The following DOK4 variants were observed in gnomAD, a reference collection of about 807,000 sequenced individuals.
DOK4 encodes docking protein 4.
Under a neutral mutation model 40.1 loss-of-function variants are expected in DOK4, and 26 were observed. That is an observed-to-expected ratio of 0.65 (90% CI 0.48 to 0.90). The LOEUF is 0.90. Ranked by LOEUF, DOK4 falls within the 40% of genes least tolerant of loss-of-function variation. DOK4 has a pLI of 0.00. For missense variants in DOK4, 392 were observed against 437.2 expected, an observed-to-expected ratio of 0.90 and a Z score of 0.92; for synonymous variants, 179 against 177.0, an observed-to-expected ratio of 1.01 and a Z score of -0.09.
exon 6 of DOK4, chr16:57,474,815 G>A (rs755411412): frequency 2.4e-5 from 39 of 1,613,996 alleles, no homozygotes; most frequent in African/African-American, 2.7e-5. Context: ...AAGGTAAAGC[G>A]TGTGGCATCC....
At chr16:57,473,687 G>A in exon 8 of DOK4, 1 of 1,614,192 alleles carries the variant, frequency 6.2e-7, no homozygotes. Context: ...CGGCAGCATG[G>A]TCGTGGGTGT....
Position 57,475,838 on chromosome 16 carries a change from A to G in DOK4, c.174+12T>C, listed in dbSNP as rs1369087156. ...CTGCCACTTGGGGGAGCTAGGGCCC[A>G]GGCCTCCTAACCTTGGGGCAGCCCC... is the stretch of plus-strand genomic sequence containing the variant. On this transcript the variant is annotated intron_variant, in intron 3 of 8. Transcript: ENST00000340099. 1 of 1,604,448 alleles carries G rather than the reference A, an allele frequency of 6.2e-7. No homozygotes were observed. Among genetic ancestry groups the G allele is most frequent in the South Asian group, 1.1e-5 (1 of 90,842 alleles).
intron 1 of DOK4, chr16:57,480,387 G>C (rs559446505): frequency 6.6e-6 from 1 of 152,410 alleles, no homozygotes; most frequent in East Asian, 1.9e-4. Flanking sequence ...CGCAGCTCTG[G>C]GTGCTGCTTC....
chr16:57,477,497 T>C (rs928929777), intron 2 of DOK4, among the ~76,000 whole-genome samples: 23 of 152,188 alleles, frequency 1.5e-4, no homozygotes, highest in African/African-American at 5.3e-4. Flanking sequence ...GATGGATGAA[T>C]GGATGGATGC....
At chr16:57,481,773 A>C (rs2031416959) in intron 1 of DOK4, 1 of 152,272 alleles carries the variant, frequency 6.6e-6, no homozygotes, top group Non-Finnish European at 1.5e-5. Flanking sequence ...CATTGGAAAA[A>C]AATGAGAATA....
In DOK4 at chr16:57,486,459, G is replaced by C. The variant is rs1230770948; in HGVS notation, c.-336C>G. On this transcript the variant is annotated 5_prime_UTR_variant, in exon 1 of 9. The change creates a new upstream start codon in the 5' untranslated region. Coordinates refer to ENST00000340099, the Ensembl canonical transcript of DOK4. The stretch of plus-strand genomic sequence containing the variant: ...AGGGAGGCGCGGCCGCAGGGCTAGG[G>C]ATCGGGCTCCGGCTGGGGCTCCGGC... The C allele has an allele frequency of 6.6e-6, 1 of 152,044 alleles. No homozygotes were observed. Among genetic ancestry groups the C allele is most frequent in the Non-Finnish European group, 1.5e-5 (1 of 67,746 alleles). The allele number at this position is 152,044 out of a possible 1,614,324, so 9.4% of individuals were successfully genotyped here. A position where few individuals can be genotyped will look rare whatever the true frequency, so the allele number is the denominator to read the frequency against.
rs1156263709 is a variant in DOK4, at chr16:57,479,065, G to C, written c.66+377C>G. Reference sequence around the variant, plus strand: ...GCAAACGGAAGGGAGAGGAGGCCAGGGGAAGTGAGACGCTGCTTCTCAGCT... The same window carrying C: ...GCAAACGGAAGGGAGAGGAGGCCAGCGGAAGTGAGACGCTGCTTCTCAGCT... On this transcript the variant is annotated intron_variant, in intron 2 of 8. Coordinates refer to ENST00000340099, the Ensembl canonical transcript of DOK4. The surrounding 1 kb of genome is among the most constrained non-coding windows in gnomAD (Gnocchi z 5.8). Among the ~76,000 whole-genome samples the C allele has an allele frequency of 6.6e-6, 1 of 152,166 alleles. No individual in the cohort carries two copies. The highest frequency in any genetic ancestry group is 2.4e-5 in the African/African-American group (1 of 41,442).
At position 57,479,418 on chromosome 16, in the gene DOK4, C is replaced by G; in HGVS notation, c.66+24G>C. Reference sequence around the variant, plus strand: ...CGGGCCCCCATCCCTTGGCAGGGCCCCTCCGCAGCTCAGGGTCACTCACCC... The same window carrying G: ...CGGGCCCCCATCCCTTGGCAGGGCCGCTCCGCAGCTCAGGGTCACTCACCC... On this transcript the variant is annotated intron_variant, in intron 2 of 8. Coordinates refer to ENST00000340099, the Ensembl canonical transcript of DOK4. The surrounding 1 kb of genome is among the most constrained non-coding windows in gnomAD (Gnocchi z 5.8). 1.2e-6 allele frequency: 2 copies of G among 1,612,008 alleles called. No homozygotes were observed. The highest frequency in any genetic ancestry group is 1.7e-6 in the Non-Finnish European group (2 of 1,179,322).
upstream of DOK4, among the ~76,000 whole-genome samples, chr16:57,486,743 A>C (rs2031554967): frequency 7.7e-6 from 1 of 129,594 alleles, no homozygotes. Context: ...CCCAGCCCCC[A>C]CATCTCAACC....
intron 7 of DOK4, 45 bp downstream of exon 7, chr16:57,473,856 G>T (rs761286475): frequency 3.5e-5 from 55 of 1,569,210 alleles, no homozygotes; most frequent in Non-Finnish European, 4.7e-5. Context: ...CTGCCCGCCC[G>T]TTCCCCCCTC....
At chr16:57,486,759 A>G (rs2031555298), upstream of DOK4, among the ~76,000 whole-genome samples, 1 of 145,702 alleles carries the variant, frequency 6.9e-6, no homozygotes, top group Non-Finnish European at 1.5e-5. Context: ...CAACCCCTTC[A>G]CTTCTTCAGG....
chr16:57,473,162 T>C (rs2030945152), exon 9 of DOK4: 1 of 622,068 alleles, frequency 1.6e-6, no homozygotes, highest in African/African-American at 1.8e-5. Flanking sequence ...TAACAGTATA[T>C]AGTCCCACGG....
chr16:57,483,164 G>A (rs1284079961), intron 1 of DOK4, among the ~76,000 whole-genome samples: 2 of 152,198 alleles, frequency 1.3e-5, no homozygotes, highest in Non-Finnish European at 2.9e-5. Flanking sequence ...GGGTTCGGAA[G>A]GGGAGGGAAA....
intron 2 of DOK4, chr16:57,478,585 T>C (rs72788080): frequency 0.038 from 5,761 of 152,232 alleles, 144 homozygotes; most frequent in Middle Eastern, 0.075. Flanking sequence ...TAGAGGCAGC[T>C]CTCAGACAGC....
chr16:57,475,476 G>C (rs553372530), intron 4 of DOK4, 30 bp downstream of exon 4: 1 of 1,568,274 alleles, frequency 6.4e-7, no homozygotes, highest in African/African-American at 1.4e-5. Context: ...CCCCAGGGGA[G>C]GCAGATGGAG....
At chr16:57,480,869 G>T (rs1218221157) in intron 1 of DOK4, among the ~76,000 whole-genome samples, 3 of 152,222 alleles carry the variant, frequency 2.0e-5, no homozygotes, top group African/African-American at 7.2e-5. Flanking sequence ...AGGTCACACA[G>T]CAGGCCTGGG....
At chr16:57,475,647 GC>G (rs2146632199) in intron 3 of DOK4, 27 bp from the exon 4 acceptor site, 2 of 1,430,018 alleles carry the variant, frequency 1.4e-6, no homozygotes, top group Non-Finnish European at 1.9e-6. Flanking sequence ...AAGGGACTTA[GC>G]CAGGCCAGTG....
chr16:57,481,671 A>G (rs1009895140), intron 1 of DOK4: 1 of 152,272 alleles, frequency 6.6e-6, no homozygotes, highest in East Asian at 1.9e-4. Context: ...GGTTCATCCA[A>G]CATAGCTCAG....
intron 1 of DOK4, among the ~76,000 whole-genome samples, chr16:57,482,784 G>T (rs1231675304): frequency 1.3e-5 from 2 of 152,138 alleles, no homozygotes; most frequent in African/African-American, 4.8e-5. Flanking sequence ...ACTGCGCCTG[G>T]CCAGAGCTTC....
Sources: allele counts gnomAD v4.1 joint callset (sites outside exome capture counted in the v4.1 genomes callset), GRCh38; gene constraint gnomAD v4.1.1; non-coding constraint Gnocchi (gnomAD v3.1); transcripts MANE v1.5; gene names NCBI Gene and HGNC (gene_info 2026-07-23, HGNC 2026-07-21).